The following PDZD2 variants were observed in gnomAD, a reference collection of about 807,000 sequenced individuals.
PDZD2 encodes PDZ domain-containing protein 2.
A neutral mutation model predicts 220.7 loss-of-function variants in PDZD2; 90 were observed. The observed-to-expected ratio is 0.41, with a 90% confidence interval of 0.34 to 0.49. PDZD2 has a LOEUF of 0.49. Among genes scored for constraint, PDZD2 ranks in the 20% least tolerant of loss-of-function variants. The pLI is 0.28. For synonymous variants in PDZD2, 1,375 were observed against 1,450.5 expected, an observed-to-expected ratio of 0.95 and a Z score of 1.18; for missense variants, 3,174 against 3,608.5, an observed-to-expected ratio of 0.88 and a Z score of 3.08.
intron 2 of PDZD2, among the ~76,000 whole-genome samples, chr5:31,822,067 G>A (rs988429386): frequency 1.3e-5 from 2 of 152,096 alleles, no homozygotes; most frequent in Non-Finnish European, 2.9e-5. Flanking sequence ...GTGTATATGT[G>A]CCACATTTTC....
intron 1 of PDZD2, among the ~76,000 whole-genome samples, chr5:31,774,729 A>C (rs969079322): frequency 6.6e-5 from 10 of 152,116 alleles, no homozygotes; most frequent in Non-Finnish European, 1.2e-4. Context: ...CAAAAAAAAA[A>C]CAAAAACCAA....
At chr5:31,938,876 CATGTTT>C (rs1745985675) in intron 2 of PDZD2, among the ~76,000 whole-genome samples, 3 of 152,154 alleles carry the variant, frequency 2.0e-5, no homozygotes, top group Admixed American at 1.3e-4. Flanking sequence ...TGACCTTGTT[CATGTTT>C]AACTTGTGTC....
At chr5:31,972,289 T>C (rs888772178) in intron 2 of PDZD2, among the ~76,000 whole-genome samples, 2 of 152,146 alleles carry the variant, frequency 1.3e-5, no homozygotes, top group African/African-American at 4.8e-5. Flanking sequence ...AATTTTTGTA[T>C]TTTTTATAGA....
chr5:31,695,118 C>A (rs573905399), intron 1 of PDZD2, among the ~76,000 whole-genome samples: 10 of 151,764 alleles, frequency 6.6e-5, no homozygotes, highest in Admixed American at 2.6e-4. Flanking sequence ...AGCGAGACTC[C>A]GTCTCCAAAT....
intron 23 of PDZD2, 38 bp from the exon 24 acceptor site, chr5:32,101,067 C>A (rs1744215047): frequency 6.2e-7 from 1 of 1,612,768 alleles, no homozygotes; most frequent in African/African-American, 1.3e-5. Flanking sequence ...TGATGAACAA[C>A]CCTGTCATTT....
At position 31,924,990 on chromosome 5, in the gene PDZD2, G is replaced by A. The variant is rs180757032; in HGVS notation, c.477-58165G>A. Among the ~76,000 whole-genome samples, 35 of 152,250 alleles carry A rather than the reference G, an allele frequency of 2.3e-4. No homozygotes were observed. In the East Asian group the frequency reaches 2.7e-3, roughly 12 times the overall value. ...GGATTGAGTTTCCAAAACCAAAATTGTCTCCATTTCTGTGAAGAAAGAAAC... is the reference window on the plus strand; with the variant it reads ...GGATTGAGTTTCCAAAACCAAAATTATCTCCATTTCTGTGAAGAAAGAAAC... On this transcript the variant is annotated intron_variant, in intron 2 of 24. Coordinates refer to ENST00000438447, the MANE Select transcript of PDZD2 (RefSeq NM_178140.4).
chr5:31,873,034 A>G (rs987751397), intron 2 of PDZD2, among the ~76,000 whole-genome samples: 2 of 152,202 alleles, frequency 1.3e-5, no homozygotes, highest in African/African-American at 2.4e-5. Flanking sequence ...TTTTTACACA[A>G]TGACAATTAC....
intron 2 of PDZD2, among the ~76,000 whole-genome samples, chr5:31,940,223 T>C (rs532405640): frequency 6.6e-6 from 1 of 152,354 alleles, no homozygotes; most frequent in South Asian, 2.1e-4. Flanking sequence ...TCTCCCTCCA[T>C]GGACATGGCA....
In PDZD2 at chr5:32,025,591, C is replaced by CTT. The variant is rs70957998; in HGVS notation, c.1408-11613_1408-11612dup. ...AGTGAGCCCAAATGTAACCATGATG[C>CTT]TTTTTTTTTTTTTTTTTTTTTTTTT... On this transcript the variant is annotated intron_variant, in intron 6 of 24. Transcript: ENST00000438447. Among the ~76,000 whole-genome samples the CTT allele has an allele frequency of 7.2e-3, 484 of 67,518 alleles. 51 individuals carry two copies. The highest frequency in any genetic ancestry group is 0.01 in the Non-Finnish European group (392 of 39,104). The allele number at this position is 67,518 out of a possible 152,430, so 44.3% of individuals were successfully genotyped here.
intron 14 of PDZD2, among the ~76,000 whole-genome samples, chr5:32,065,385 C>G (rs1313002143): frequency 1.3e-5 from 2 of 152,120 alleles, no homozygotes; most frequent in African/African-American, 2.4e-5. Flanking sequence ...TAATTACATC[C>G]TAAATGTTCC....
chr5:31,866,469 C>T (rs537712069), intron 2 of PDZD2, among the ~76,000 whole-genome samples: 3 of 152,216 alleles, frequency 2.0e-5, no homozygotes, highest in East Asian at 3.9e-4. Context: ...GGGTATGACC[C>T]CCTGCAGAAG....
chr5:31,853,164 C>A (rs959709755), intron 2 of PDZD2, among the ~76,000 whole-genome samples: 1 of 152,178 alleles, frequency 6.6e-6, no homozygotes, highest in South Asian at 2.1e-4. Context: ...TTCACTGAGA[C>A]CCTTATAATA....
intron 1 of PDZD2, among the ~76,000 whole-genome samples, chr5:31,762,772 A>G (rs1751732976): frequency 6.6e-6 from 1 of 152,238 alleles, no homozygotes; most frequent in Non-Finnish European, 1.5e-5. Flanking sequence ...GGAACCATTA[A>G]GTAATCTGAG....
At chr5:31,722,176 T>A (rs1276870863) in intron 1 of PDZD2, among the ~76,000 whole-genome samples, 4 of 152,232 alleles carry the variant, frequency 2.6e-5, no homozygotes, top group Non-Finnish European at 5.9e-5. Context: ...ATGTCTCTTT[T>A]GCATAAAACT....
intron 1 of PDZD2, among the ~76,000 whole-genome samples, chr5:31,740,524 C>CAAAAAAAAAAAAAAAAAAAAAAAAAAAA (rs58965956): frequency 1.7e-5 from 1 of 60,060 alleles, no homozygotes; most frequent in Non-Finnish European, 3.6e-5. Flanking sequence ...GACTCCGTCT[C>CAAAAAAAAAAAAAAAAAAAAAAAAAAAA]AAAAAAAAAA....
At chr5:31,777,353 C>G (rs533072240) in intron 1 of PDZD2, among the ~76,000 whole-genome samples, 2 of 152,218 alleles carry the variant, frequency 1.3e-5, no homozygotes, top group East Asian at 3.9e-4. Context: ...TGCAGGGCTC[C>G]GAACCTGCAG....
chr5:31,724,624 A>G lies in PDZD2; in HGVS notation c.-360-74265A>G, dbSNP rs868100221. The stretch of plus-strand genomic sequence containing the variant: ...TCTCAAAAAAAAAAAAAAAAAAAAA[A>G]AACTCCCTGAAAATACTGTGTAACC... On this transcript the variant is annotated intron_variant, in intron 1 of 24. Transcript: ENST00000438447. Among the ~76,000 whole-genome samples the G allele has an allele frequency of 1.8e-3, 270 of 151,628 alleles. 1 individual carries two copies. Among genetic ancestry groups the G allele is most frequent in the African/African-American group, 6.0e-3 (247 of 41,332 alleles).
intron 6 of PDZD2, among the ~76,000 whole-genome samples, chr5:32,018,159 C>T (rs375147073): frequency 2.0e-5 from 3 of 152,178 alleles, no homozygotes; most frequent in Non-Finnish European, 4.4e-5. Flanking sequence ...CATGAATGGG[C>T]GCAGGGAGCT....
chr5:31,794,815 T>C (rs1753936031), intron 1 of PDZD2, among the ~76,000 whole-genome samples: 1 of 152,144 alleles, frequency 6.6e-6, no homozygotes, highest in Non-Finnish European at 1.5e-5. Flanking sequence ...TTTCTAAAAG[T>C]GAGAAGAGCA....
Sources: gnomAD v4.1 joint callset for allele counts (sites outside exome capture counted in the v4.1 genomes callset) on GRCh38, gnomAD v4.1.1 for gene constraint, MANE v1.5 for transcripts, NCBI Gene and HGNC (gene_info 2026-07-23, HGNC 2026-07-21) for gene names.